Variants in TNNI3K observed in about 807,000 individuals in gnomAD.
The protein encoded by TNNI3K is TNNI3 interacting kinase, also known as serine/threonine-protein kinase TNNI3K.
A neutral mutation model predicts 114.5 loss-of-function variants in TNNI3K; 140 were observed. That is an observed-to-expected ratio of 1.22 (90% confidence interval 1.07 to 1.41). The LOEUF (loss-of-function observed/expected upper bound fraction) is 1.41. Among genes scored for constraint, TNNI3K ranks in the 40% most tolerant of loss-of-function variants. TNNI3K has a pLI of 0.00. For synonymous variants in TNNI3K, 347 were observed against 347.5 expected (o/e 1.00, Z 0.02); for missense variants, 1,125 against 1,007.6 (o/e 1.12, Z -1.58).
intron 23 of TNNI3K, among the ~76,000 whole-genome samples, chr1:74,518,396 G>T (rs972983044): frequency 6.6e-6 from 1 of 151,726 alleles, no homozygotes; most frequent in Non-Finnish European, 1.5e-5. Context: ...CAGCATTTTC[G>T]TTCTTCTTCT....
At chr1:74,358,311 T>G (rs1461062896) in intron 11 of TNNI3K, among the ~76,000 whole-genome samples, 1 of 151,838 alleles carries the variant, frequency 6.6e-6, no homozygotes, top group East Asian at 1.9e-4. Context: ...AAGCTGGAGG[T>G]GGAGAATTAG....
At chr1:74,480,902 T>A in intron 21 of TNNI3K, 1 of 717,276 alleles carries the variant, frequency 1.4e-6, no homozygotes, top group Non-Finnish European at 2.6e-6. Flanking sequence ...GAGAGACAGG[T>A]TTGTGCTCTC....
chr1:74,259,233 A>T (rs1037887622), intron 4 of TNNI3K, among the ~76,000 whole-genome samples: 1 of 152,194 alleles, frequency 6.6e-6, no homozygotes, highest in Non-Finnish European at 1.5e-5. Context: ...TAAGCTGGAG[A>T]ATCAGGAAAG....
chr1:74,440,587 C>T (rs535701900), intron 20 of TNNI3K, among the ~76,000 whole-genome samples: 123 of 152,168 alleles, frequency 8.1e-4, no homozygotes, highest in African/African-American at 2.9e-3. Context: ...TTTTCCCCAA[C>T]CTACCATATG....
intron 21 of TNNI3K, among the ~76,000 whole-genome samples, chr1:74,466,309 C>T (rs1301140371): frequency 6.6e-6 from 1 of 152,104 alleles, no homozygotes; most frequent in Non-Finnish European, 1.5e-5. Context: ...GATGAAGTGT[C>T]TCTTCATAAT....
intron 23 of TNNI3K, among the ~76,000 whole-genome samples, chr1:74,499,820 C>A (rs954246494): frequency 1.3e-5 from 2 of 152,000 alleles, no homozygotes; most frequent in African/African-American, 4.8e-5. Context: ...TCTTTAATAT[C>A]TTTTAGTAAG....
At chr1:74,370,152 G>T in intron 16 of TNNI3K, 136 bp from the exon 17 acceptor site, 1 of 627,588 alleles carries the variant, frequency 1.6e-6, no homozygotes, top group Non-Finnish European at 2.5e-6. Flanking sequence ...ATTCAGATTT[G>T]TTGAATTTCT....
intron 17 of TNNI3K, chr1:74,373,901 G>A (rs1374098455): frequency 4.6e-5 from 7 of 151,830 alleles, no homozygotes; most frequent in Admixed American, 3.9e-4. Context: ...ATGTCCCTTG[G>A]CATCTGCAGG....
intron 17 of TNNI3K, among the ~76,000 whole-genome samples, chr1:74,390,847 G>A (rs1663727826): frequency 6.6e-6 from 1 of 151,650 alleles, no homozygotes; most frequent in Admixed American, 6.6e-5. Flanking sequence ...GCTGAGATCT[G>A]AATAATCCAA....
At chr1:74,403,590 A>G (rs977470220) in intron 17 of TNNI3K, among the ~76,000 whole-genome samples, 1 of 152,202 alleles carries the variant, frequency 6.6e-6, no homozygotes, top group Non-Finnish European at 1.5e-5. Context: ...GGGCAAAAAC[A>G]ATACTATACT....
At chr1:74,501,474 G>GTGTTTGTTTTGTT (rs1669625261) in intron 23 of TNNI3K, among the ~76,000 whole-genome samples, 1 of 149,820 alleles carries the variant, frequency 6.7e-6, no homozygotes, top group South Asian at 2.1e-4. Flanking sequence ...TTTTTGTTTT[G>GTGTTTGTTTTGTT]TGTTTGTTTG....
Position 74,524,270 on chromosome 1 carries a change from C to T in TNNI3K, c.2352-15964C>T, listed in dbSNP as rs17095518. Among the ~76,000 whole-genome samples, 1,220 of 152,322 alleles carry T rather than the reference C, an allele frequency of 8.0e-3. 18 individuals carry two copies. Among genetic ancestry groups the T allele is most frequent in the African/African-American group, 0.027 (1,111 of 41,566 alleles). On this transcript the variant is annotated intron_variant, in intron 23 of 24. Coordinates refer to ENST00000326637, the MANE Select transcript of TNNI3K (RefSeq NM_015978.3). ...GGGAATTTTAACAGCCTGATCTCTG[C>T]CCCATTCAGATGGTTATGGTAACAT... is the stretch of plus-strand genomic sequence containing the variant.
intron 17 of TNNI3K, among the ~76,000 whole-genome samples, chr1:74,407,637 C>A (rs1664680478): frequency 6.6e-6 from 1 of 152,086 alleles, no homozygotes; most frequent in South Asian, 2.1e-4. Context: ...ATATTTCCTT[C>A]ATTTTGAAGT....
In TNNI3K at chr1:74,524,146, G is replaced by T. The variant is rs377232561; in HGVS notation, c.2352-16088G>T. Among the ~76,000 whole-genome samples the T allele has an allele frequency of 8.5e-5, 13 of 152,360 alleles. No individual in the cohort carries two copies. In the East Asian group the frequency reaches 2.3e-3, roughly 27 times the overall value. ...AGTATTTGTGGCAGTGCCCACAAAG[G>T]CTCCAGTGAATTCTTCTTTGTGAAA... is the stretch of plus-strand genomic sequence containing the variant. On this transcript the variant is annotated intron_variant, in intron 23 of 24. Coordinates refer to ENST00000326637, the MANE Select transcript of TNNI3K (RefSeq NM_015978.3).
At chr1:74,456,499 G>C (rs1042936195) in intron 20 of TNNI3K, among the ~76,000 whole-genome samples, 2 of 152,142 alleles carry the variant, frequency 1.3e-5, no homozygotes, top group Non-Finnish European at 2.9e-5. Flanking sequence ...TCCTGGGCTT[G>C]TCTCCTCTGA....
intron 21 of TNNI3K, chr1:74,475,576 T>C (rs986535262): frequency 4.2e-6 from 3 of 717,416 alleles, no homozygotes; most frequent in Non-Finnish European, 7.8e-6. Context: ...GCTATTTTCC[T>C]GTAAAAGTGG....
chr1:74,405,912 C>T (rs1021130748), intron 17 of TNNI3K, among the ~76,000 whole-genome samples: 2 of 152,326 alleles, frequency 1.3e-5, no homozygotes, highest in Admixed American at 6.5e-5. Context: ...GTTATATTCA[C>T]GTATTAGGTT....
rs774973145 is a variant in TNNI3K at position 74,504,900 on chromosome 1, A to C, written c.2351+12634A>C. ...CCTCTTCAAGCGTTTTGTAATACTAATTAACTAATTCCCAGCCACATGAAG... is the reference window on the plus strand; with the variant it reads ...CCTCTTCAAGCGTTTTGTAATACTACTTAACTAATTCCCAGCCACATGAAG... On this transcript the variant is annotated intron_variant, in intron 23 of 24. Coordinates refer to ENST00000326637, the MANE Select transcript of TNNI3K (RefSeq NM_015978.3). 1.6e-4 allele frequency among the ~76,000 whole-genome samples: 25 copies of C among 152,300 alleles called. 1 individual carries two copies. The highest frequency in any genetic ancestry group is 3.4e-3 in the Middle Eastern group (1 of 294).
At chr1:74,450,976 A>G (rs1343194165) in intron 20 of TNNI3K, among the ~76,000 whole-genome samples, 4 of 152,238 alleles carry the variant, frequency 2.6e-5, no homozygotes, top group Non-Finnish European at 5.9e-5. Flanking sequence ...ACTATTCACA[A>G]TAGCAAAGAG....
Sources: gnomAD v4.1 joint callset for allele counts (sites outside exome capture counted in the v4.1 genomes callset) on GRCh38, gnomAD v4.1.1 for gene constraint, MANE v1.5 for transcripts, NCBI Gene and HGNC (gene_info 2026-07-23, HGNC 2026-07-21) for gene names.